Variants in HPSE2 observed in about 807,000 individuals in gnomAD.
HPSE2 encodes the protein heparanase 2 (inactive), also known as inactive heparanase-2.
A neutral mutation model predicts 60.5 loss-of-function variants in HPSE2; 38 were observed. The observed-to-expected ratio is 0.63, with a 90% CI of 0.48 to 0.82. The LOEUF (loss-of-function observed/expected upper bound fraction) is 0.82. HPSE2 is among the 40% of genes least tolerant of loss of function. HPSE2 has a pLI of 0.00. For synonymous variants in HPSE2, 295 were observed against 293.2 expected (o/e 1.01, Z -0.06); for missense variants, 713 against 740.4 (o/e 0.96, Z 0.43).
intron 3 of HPSE2, among the ~76,000 whole-genome samples, chr10:98,765,974 A>G (rs1022845228): frequency 2.0e-5 from 3 of 152,150 alleles, no homozygotes; most frequent in Non-Finnish European, 4.4e-5. Flanking sequence ...ATTGAAATAA[A>G]TAAAAATCAA....
In HPSE2 at chr10:98,871,695, A is replaced by G. The variant is rs536564393; in HGVS notation, c.611-127639T>C. On this transcript the variant is annotated intron_variant, in intron 3 of 11. Transcript: ENST00000370552. ...AAGGATTTGGACAGGCAGATTTAGT[A>G]GGGCAGGTTATTCCAAGCAGAAAAA... is the stretch of plus-strand genomic sequence containing the variant. Among the ~76,000 whole-genome samples the G allele has an allele frequency of 1.1e-4, 17 of 152,188 alleles. No individual in the cohort carries two copies. The East Asian group carries it at 3.3e-3, about 29-fold the overall frequency.
chr10:98,623,986 G>A (rs567783770), intron 7 of HPSE2, among the ~76,000 whole-genome samples: 1 of 152,156 alleles, frequency 6.6e-6, no homozygotes, highest in South Asian at 2.1e-4. Context: ...GGCTAGAAAG[G>A]GCTAAGGATT....
chr10:99,276,176 C>T, the HPSE2 span, among the ~76,000 whole-genome samples: 1 of 152,116 alleles, frequency 6.6e-6, no homozygotes, highest in African/African-American at 2.4e-5. Context: ...CATATAAATA[C>T]AATATTCGTT....
intron 5 of HPSE2, among the ~76,000 whole-genome samples, chr10:98,709,110 T>C (rs891570011): frequency 3.3e-5 from 5 of 152,210 alleles, no homozygotes; most frequent in Admixed American, 6.5e-5. Context: ...AAATCTAACA[T>C]TGATAGATTG....
At chr10:98,731,443 C>T (rs7079436) in intron 4 of HPSE2, among the ~76,000 whole-genome samples, 11,791 of 152,120 alleles carry the variant, frequency 0.078, 738 homozygotes, top group East Asian at 0.29. Flanking sequence ...ATGCCAAGAA[C>T]GCAAGGTTGA....
chr10:99,104,536 A>T (rs1246204968), intron 3 of HPSE2, among the ~76,000 whole-genome samples: 2 of 152,170 alleles, frequency 1.3e-5, no homozygotes, highest in Non-Finnish European at 1.5e-5. Flanking sequence ...TAGAAATACC[A>T]TTTGACTCAG....
intron 3 of HPSE2, among the ~76,000 whole-genome samples, chr10:98,871,349 AC>A (rs1412471852): frequency 6.6e-6 from 1 of 151,958 alleles, no homozygotes. Flanking sequence ...ATGGGTCCTT[AC>A]CCTCTCATAG....
chr10:98,616,861 C>A (rs1945925325), intron 8 of HPSE2, among the ~76,000 whole-genome samples: 1 of 152,116 alleles, frequency 6.6e-6, no homozygotes, highest in South Asian at 2.1e-4. Flanking sequence ...ATTTGGTAAT[C>A]CTATAAAATC....
intron 3 of HPSE2, among the ~76,000 whole-genome samples, chr10:98,997,107 C>G (rs1292732533): frequency 1.9e-5 from 2 of 107,422 alleles, no homozygotes; most frequent in African/African-American, 5.9e-5. Context: ...CAATACAGAC[C>G]CTTTCTTTTT....
At chr10:99,108,492 T>A (rs180739116) in intron 3 of HPSE2, among the ~76,000 whole-genome samples, 2 of 152,310 alleles carry the variant, frequency 1.3e-5, no homozygotes, top group East Asian at 3.9e-4. Context: ...ATATATTTCA[T>A]GGCTAACTTA....
chr10:99,162,490 T>G, intron 2 of HPSE2, among the ~76,000 whole-genome samples: 1 of 152,174 alleles, frequency 6.6e-6, no homozygotes, highest in East Asian at 1.9e-4. Flanking sequence ...CTAAAACTAG[T>G]GCCACTCCCT....
chr10:98,682,240 C>G (rs115679722), intron 6 of HPSE2, among the ~76,000 whole-genome samples: 19 of 152,204 alleles, frequency 1.2e-4, no homozygotes, highest in African/African-American at 4.3e-4. Context: ...CTGCTGTCAT[C>G]ATGTGATGTG....
At chr10:98,860,842 C>T (rs1403912383) in intron 3 of HPSE2, among the ~76,000 whole-genome samples, 6 of 152,136 alleles carry the variant, frequency 3.9e-5, no homozygotes, top group Non-Finnish European at 8.8e-5. Context: ...TATGAGCCCT[C>T]TATTTGTCTA....
chr10:98,707,021 C>G (rs1258646262), intron 5 of HPSE2, among the ~76,000 whole-genome samples: 1 of 151,182 alleles, frequency 6.6e-6, no homozygotes, highest in Non-Finnish European at 1.5e-5. Flanking sequence ...TGGCTAAACA[C>G]TGAAATGAAA....
At chr10:99,000,458 GA>G (rs1956752038) in intron 3 of HPSE2, among the ~76,000 whole-genome samples, 1 of 152,064 alleles carries the variant, frequency 6.6e-6, no homozygotes. Flanking sequence ...AAATCACCAA[GA>G]AAAATTGCAT....
chr10:98,483,864 A>G (rs1300147990), intron 10 of HPSE2, among the ~76,000 whole-genome samples: 2 of 152,194 alleles, frequency 1.3e-5, no homozygotes, highest in Non-Finnish European at 2.9e-5. Flanking sequence ...TTTGGGGGCT[A>G]TTCATTATTG....
chr10:99,011,954 ATC>A (rs1450227057), intron 3 of HPSE2, among the ~76,000 whole-genome samples: 3 of 152,008 alleles, frequency 2.0e-5, no homozygotes, highest in Non-Finnish European at 2.9e-5. Context: ...TAAATAAAAA[ATC>A]TCACACTATA....
At chr10:99,313,164 G>C in the HPSE2 span, among the ~76,000 whole-genome samples, 14 of 152,208 alleles carry the variant, frequency 9.2e-5, no homozygotes, top group Admixed American at 8.5e-4. Context: ...TACCCAGCCT[G>C]AGGTATTGCT....
chr10:99,231,013 C>G (rs572412550), intron 2 of HPSE2, among the ~76,000 whole-genome samples: 3 of 152,286 alleles, frequency 2.0e-5, no homozygotes. Flanking sequence ...TCCATACTTT[C>G]ATAGCAATGA....
Sources: gnomAD v4.1 joint callset for allele counts (sites outside exome capture counted in the v4.1 genomes callset) on GRCh38, gnomAD v4.1.1 for gene constraint, MANE v1.5 for transcripts, NCBI Gene and HGNC (gene_info 2026-07-23, HGNC 2026-07-21) for gene names.